KLF13: variants seen among roughly 807,000 people sequenced by gnomAD.
The protein encoded by KLF13 is KLF transcription factor 13, also known as Krueppel-like factor 13.
Under a neutral mutation model 16.7 loss-of-function variants are expected in KLF13, and 8 were observed. The observed-to-expected ratio is 0.48, with a 90% confidence interval of 0.28 to 0.87. KLF13 has a LOEUF of 0.87. Among genes scored for constraint, KLF13 ranks in the 40% least tolerant of loss-of-function variants. KLF13 has a pLI of 0.10. For missense variants in KLF13, 447 were observed against 452.2 expected (o/e 0.99, Z 0.10); for synonymous variants, 245 against 208.4 (o/e 1.18, Z -1.51).
At chr15:31,340,063 G>C (rs2038996579) in intron 1 of KLF13, 1 of 702,298 alleles carries the variant, frequency 1.4e-6, no homozygotes, top group Non-Finnish European at 2.6e-6. Flanking sequence ...TGGGTGGTGT[G>C]TCCTGTGAGC....
intron 1 of KLF13, among the ~76,000 whole-genome samples, chr15:31,418,468 T>A (rs544410040): frequency 2.0e-5 from 3 of 152,254 alleles, no homozygotes; most frequent in Non-Finnish European, 4.4e-5. Flanking sequence ...ATTAATGAGA[T>A]GATATACTTT....
At chr15:31,361,142 G>A (rs931221229) in intron 1 of KLF13, among the ~76,000 whole-genome samples, 3 of 152,192 alleles carry the variant, frequency 2.0e-5, no homozygotes, top group Non-Finnish European at 4.4e-5. Flanking sequence ...AATAGGCCTC[G>A]TAGAGCCTGG....
intron 1 of KLF13, among the ~76,000 whole-genome samples, chr15:31,383,411 ACAAACT>A (rs898329302): frequency 1.3e-5 from 2 of 152,206 alleles, no homozygotes; most frequent in African/African-American, 4.8e-5. Flanking sequence ...CAATGGAAAC[ACAAACT>A]CTAAATCCAA....
chr15:31,398,582 G>T (rs1367903381), intron 2 of KLF13, among the ~76,000 whole-genome samples: 1 of 152,124 alleles, frequency 6.6e-6, no homozygotes, highest in African/African-American at 2.4e-5. Flanking sequence ...CTGGACCCCA[G>T]TGGAGAAGCA....
chr15:31,340,024 G>A (rs1456265669), intron 1 of KLF13: 2 of 702,286 alleles, frequency 2.8e-6, no homozygotes, highest in African/African-American at 3.5e-5. Context: ...TTATTTTACT[G>A]TCAGTAGGGC....
At chr15:31,403,857 T>C (rs2040075847) in exon 3 of KLF13, 1 of 152,196 alleles carries the variant, frequency 6.6e-6, no homozygotes, top group African/African-American at 2.4e-5. Context: ...ATTATGTTTC[T>C]CATGAAAAAG....
At chr15:31,335,610 T>C (rs1215043188) in intron 1 of KLF13, among the ~76,000 whole-genome samples, 1 of 152,134 alleles carries the variant, frequency 6.6e-6, no homozygotes. Context: ...GGGGGAGTAT[T>C]CTGTTTATTG....
intron 1 of KLF13, among the ~76,000 whole-genome samples, chr15:31,328,413 G>A (rs959381864): frequency 6.6e-6 from 1 of 152,008 alleles, no homozygotes; most frequent in Non-Finnish European, 1.5e-5. Context: ...GCGATGCGGG[G>A]GGCGGTCCCG....
chr15:31,381,089 T>C (rs1252267204), downstream of KLF13, among the ~76,000 whole-genome samples: 2 of 149,892 alleles, frequency 1.3e-5, no homozygotes, highest in African/African-American at 4.9e-5. Context: ...GGAGAACGGC[T>C]TGAACCCGGG....
chr15:31,327,430 A>T lies in KLF13; in HGVS notation c.218A>T (p.Gln73Leu). 2 of 1,185,084 alleles carry T rather than the reference A, an allele frequency of 1.7e-6. No individual in the cohort carries two copies. The highest frequency in any genetic ancestry group is 2.1e-6 in the Non-Finnish European group (2 of 957,496). 73.4% of individuals were successfully genotyped at this position (1,185,084 alleles called of 1,614,324 possible). ...VVARILADLNQQAPAPAPAER... is the reference protein window; with the variant it reads ...VVARILADLNLQAPAPAPAER... ...GCGCGGATCCTAGCGGACCTCAACC[A>T]GCAAGCGCCGGCGCCCGCCCCGGCG... is the stretch of plus-strand genomic sequence containing the variant. The change falls in exon 1 of 2, where the codon CAG (glutamine) becomes CTG (leucine). Residue 73 changes from glutamine (Q) to leucine (L), a missense_variant. Physicochemically the swap from Gln to Leu is moderately radical, Grantham distance 113. Around this residue, in one of 2 missense-constraint regions of KLF13, gnomAD observed 359 missense variants for 282.8 expected, o/e 1.27. Coordinates refer to ENST00000307145, the MANE Select transcript of KLF13 (RefSeq NM_015995.4).
chr15:31,352,868 T>C (rs2039238077), intron 1 of KLF13, among the ~76,000 whole-genome samples: 1 of 152,188 alleles, frequency 6.6e-6, no homozygotes, highest in Non-Finnish European at 1.5e-5. Flanking sequence ...CCCACTGGCA[T>C]TGGGACCTCC....
chr15:31,372,020 C>G lies in KLF13; in HGVS notation c.588C>G (p.Pro196=). The change falls in exon 2 of 2, where the codon CCC becomes CCG. Residue 196 remains proline (P), a synonymous_variant. Transcript: ENST00000307145. ...AHLRTHTGER[P]FACSWQDCNK... is the part of the protein sequence containing the mutation. ...CCCCTGTGCCCACAGGTGAGAGGCC[C>G]TTCGCCTGCAGCTGGCAGGACTGCA... 1 of 1,604,762 alleles carries G rather than the reference C, an allele frequency of 6.2e-7. No individual in the cohort carries two copies. Among genetic ancestry groups the G allele is most frequent in the South Asian group, 1.1e-5 (1 of 89,760 alleles).
At chr15:31,408,653 A>G (rs964164436), downstream of KLF13, among the ~76,000 whole-genome samples, 6 of 152,216 alleles carry the variant, frequency 3.9e-5, no homozygotes, top group African/African-American at 7.2e-5. Flanking sequence ...TACCTCTGTC[A>G]CTACTGTTAA....
chr15:31,387,500 T>C (rs2039807728), intron 1 of KLF13, among the ~76,000 whole-genome samples: 1 of 152,230 alleles, frequency 6.6e-6, no homozygotes, highest in Non-Finnish European at 1.5e-5. Context: ...AGTTTAAACA[T>C]AACTTTTATA....
At chr15:31,410,745 T>TAAC (rs1392524410) in intron 1 of KLF13, among the ~76,000 whole-genome samples, 2 of 152,144 alleles carry the variant, frequency 1.3e-5, no homozygotes, top group South Asian at 4.1e-4. Context: ...TGTATATGCC[T>TAAC]AACAACAGAG....
rs2039627649 is a variant in KLF13 at position 31,375,485 on chromosome 15, A to G, written c.*3186A>G. On this transcript the variant is annotated 3_prime_UTR_variant, in exon 2 of 2. Coordinates refer to ENST00000307145, the MANE Select transcript of KLF13 (RefSeq NM_015995.4). ...TCATAGAAATAATAGTGAAAACTCAAACCCTTATTTTGGGACTTCAGTTCT... is the reference window on the plus strand; with the variant it reads ...TCATAGAAATAATAGTGAAAACTCAGACCCTTATTTTGGGACTTCAGTTCT... 1.3e-5 allele frequency: 2 copies of G among 152,152 alleles called. No homozygotes were observed. Among genetic ancestry groups the G allele is most frequent in the South Asian group, 4.1e-4 (2 of 4,824 alleles). 9.4% of individuals were successfully genotyped at this position (152,152 alleles called of 1,614,324 possible).
At chr15:31,346,418 C>CA (rs2039118059) in intron 1 of KLF13, among the ~76,000 whole-genome samples, 1 of 152,194 alleles carries the variant, frequency 6.6e-6, no homozygotes, top group Non-Finnish European at 1.5e-5. Flanking sequence ...ATGGACCCCC[C>CA]ACCGCTGTTA....
Position 31,394,489 on chromosome 15 carries a change from G to GA in KLF13, n.529+812dup, listed in dbSNP as rs751996524. Among the ~76,000 whole-genome samples the GA allele has an allele frequency of 3.0e-3, 338 of 112,984 alleles. 1 individual carries two copies. The highest frequency in any genetic ancestry group is 0.024 in the South Asian group (88 of 3,594). 74.1% of individuals were successfully genotyped at this position (112,984 alleles called of 152,430 possible). A position where few individuals can be genotyped will look rare whatever the true frequency, so the allele number is the denominator to read the frequency against. On this transcript the variant is annotated intron_variant and non_coding_transcript_variant, in intron 2 of 2. Coordinates refer to the KLF13 transcript ENST00000500533. The stretch of plus-strand genomic sequence containing the variant: ...GTGACAGAGCGAGACTCCGTCTCAA[G>GA]AAAAAAAAAAAAAAGAAAAGAAAGA...
rs182229903 is a variant in KLF13, at chr15:31,401,119, G to T, written n.530-2309G>T. On this transcript the variant is annotated intron_variant and non_coding_transcript_variant, in intron 2 of 2. Coordinates refer to the KLF13 transcript ENST00000500533. ...CCCGGGAGCAAGCTATTCTGCCTCAGCCTACCAAGTAGCTGGGATTACAGG... is the reference window on the plus strand; with the variant it reads ...CCCGGGAGCAAGCTATTCTGCCTCATCCTACCAAGTAGCTGGGATTACAGG... Among the ~76,000 whole-genome samples the T allele has an allele frequency of 2.6e-5, 4 of 152,142 alleles. 1 individual carries two copies. The highest frequency in any genetic ancestry group is 2.6e-4 in the Admixed American group (4 of 15,286).
Sources: allele counts gnomAD v4.1 joint callset (sites outside exome capture counted in the v4.1 genomes callset), GRCh38; gene constraint gnomAD v4.1.1; regional missense constraint gnomAD v4.1.1; transcripts MANE v1.5; gene names NCBI Gene and HGNC (gene_info 2026-07-23, HGNC 2026-07-21).